Variants in ARHGAP24 observed in about 807,000 individuals in gnomAD.
The protein encoded by ARHGAP24 is rho GTPase-activating protein 24.
Under a neutral mutation model 76.4 loss-of-function variants are expected in ARHGAP24, and 50 were observed. The ratio of observed to expected loss-of-function variants is 0.65; its 90% confidence interval spans 0.52 to 0.83. The LOEUF (loss-of-function observed/expected upper bound fraction) is 0.83, where lower values mean the gene tolerates loss of function less well. Ranked by LOEUF, ARHGAP24 falls within the 40% of genes least tolerant of loss-of-function variation. The pLI, the probability that ARHGAP24 is intolerant of heterozygous loss-of-function variation, is 0.00. For synonymous variants in ARHGAP24, 345 were observed against 323.3 expected (o/e 1.07, Z -0.72); for missense variants, 930 against 914.2 (o/e 1.02, Z -0.22).
chr4:85,650,855 A>G (rs1332630012), intron 2 of ARHGAP24, among the ~76,000 whole-genome samples: 1 of 149,516 alleles, frequency 6.7e-6, no homozygotes, highest in Admixed American at 6.6e-5. Flanking sequence ...TAACAGACAT[A>G]TATATTCCTA....
At chr4:85,681,263 A>G (rs1263295911) in intron 2 of ARHGAP24, among the ~76,000 whole-genome samples, 1 of 152,216 alleles carries the variant, frequency 6.6e-6, no homozygotes, top group Non-Finnish European at 1.5e-5. Context: ...AGCATAAGCA[A>G]CTTGACAATC....
chr4:85,483,630 TAAAC>T (rs1298137739), intron 1 of ARHGAP24, among the ~76,000 whole-genome samples: 8 of 151,982 alleles, frequency 5.3e-5, no homozygotes, highest in South Asian at 4.1e-4. Context: ...AATAAATAAA[TAAAC>T]AAACAAAAAT....
chr4:85,497,067 A>G (rs1723613868), intron 1 of ARHGAP24, among the ~76,000 whole-genome samples: 1 of 152,220 alleles, frequency 6.6e-6, no homozygotes, highest in Admixed American at 6.5e-5. Context: ...CTGTTGATAA[A>G]GAGGAAGGAA....
Position 85,548,222 on chromosome 4 carries a change from CT to C in ARHGAP24, c.-20-22298del, listed in dbSNP as rs557503954. Among the ~76,000 whole-genome samples, 86 of 152,044 alleles carry C rather than the reference CT, an allele frequency of 5.7e-4. 3 individuals carry two copies. The highest frequency in any genetic ancestry group is 1.3e-4 in the Non-Finnish European group (9 of 68,010). ...TATTCTAGGCTCATTTTGTATTTTC[CT>C]TGTCCACACCCTGGAATCAGCCTTT... On this transcript the variant is annotated intron_variant, in intron 1 of 9. Coordinates refer to ENST00000395184, the MANE Select transcript of ARHGAP24 (RefSeq NM_001025616.3).
In ARHGAP24 at chr4:85,527,275, C is replaced by T. The variant is rs113852385; in HGVS notation, c.-20-43247C>T. Reference sequence around the variant, plus strand: ...TCAGTATAACTCTAGCTTGTTTTCACGACCTCTTCATAAGCTTAATGCATG... The same window carrying T: ...TCAGTATAACTCTAGCTTGTTTTCATGACCTCTTCATAAGCTTAATGCATG... On this transcript the variant is annotated intron_variant, in intron 1 of 9. Transcript: ENST00000395184. 9.7e-3 allele frequency among the ~76,000 whole-genome samples: 1,476 copies of T among 152,204 alleles called. 13 individuals are homozygous for T. Among genetic ancestry groups the T allele is most frequent in the East Asian group, 0.019 (97 of 5,182 alleles).
At chr4:85,772,368 T>C (rs1727163758) in intron 3 of ARHGAP24, among the ~76,000 whole-genome samples, 1 of 152,190 alleles carries the variant, frequency 6.6e-6, no homozygotes, top group African/African-American at 2.4e-5. Context: ...ACAGGGGGTA[T>C]AAAATATGTT....
At chr4:85,522,602 A>G (rs975393410) in intron 1 of ARHGAP24, among the ~76,000 whole-genome samples, 1 of 152,222 alleles carries the variant, frequency 6.6e-6, no homozygotes, top group Admixed American at 6.5e-5. Context: ...AGAATTATCC[A>G]TAAATATCCC....
chr4:85,999,034 T>G (rs2148875262), intron 9 of ARHGAP24, among the ~76,000 whole-genome samples: 1 of 152,358 alleles, frequency 6.6e-6, no homozygotes, highest in South Asian at 2.1e-4. Context: ...TTCTTAAAAC[T>G]TTTCCAGCAC....
intron 9 of ARHGAP24, 37 bp from the exon 10 acceptor site, chr4:86,000,442 C>CGGGGGGGGGGGG: frequency 1.2e-6 from 1 of 807,892 alleles, no homozygotes; most frequent in Non-Finnish European, 1.9e-6. Context: ...CTTACTCTTG[C>CGGGGGGGGGGGG]GTCCCCACCC....
chr4:85,567,316 A>G (rs952215558), intron 1 of ARHGAP24, among the ~76,000 whole-genome samples: 2 of 152,224 alleles, frequency 1.3e-5, no homozygotes, highest in Non-Finnish European at 2.9e-5. Flanking sequence ...TCATCTCCTC[A>G]AAAGATAATA....
chr4:85,547,838 C>T (rs1045099987), intron 1 of ARHGAP24, among the ~76,000 whole-genome samples: 1 of 152,192 alleles, frequency 6.6e-6, no homozygotes, highest in African/African-American at 2.4e-5. Flanking sequence ...GAAACTTTGA[C>T]ACTATTTAAA....
At chr4:85,896,879 T>G (rs1734207555) in intron 3 of ARHGAP24, among the ~76,000 whole-genome samples, 1 of 152,194 alleles carries the variant, frequency 6.6e-6, no homozygotes, top group Non-Finnish European at 1.5e-5. Flanking sequence ...CATGCTCCCA[T>G]AGTAGAGCAC....
intron 3 of ARHGAP24, among the ~76,000 whole-genome samples, chr4:85,760,805 G>A (rs1194463828): frequency 3.3e-5 from 5 of 152,178 alleles, no homozygotes; most frequent in Non-Finnish European, 7.3e-5. Context: ...GCATTCAGGA[G>A]ACAGTTGACT....
At chr4:85,831,217 A>AT (rs1222743226) in intron 3 of ARHGAP24, among the ~76,000 whole-genome samples, 2 of 152,198 alleles carry the variant, frequency 1.3e-5, no homozygotes, top group Non-Finnish European at 2.9e-5. Context: ...CCAATACAAC[A>AT]TAAACTCTTT....
At chr4:85,733,840 C>A (rs1489697531) in intron 3 of ARHGAP24, among the ~76,000 whole-genome samples, 1 of 152,164 alleles carries the variant, frequency 6.6e-6, no homozygotes. Flanking sequence ...TCTTTAAAGA[C>A]CCTGTCTCCA....
chr4:85,995,843 T>C (rs990883573), intron 9 of ARHGAP24, among the ~76,000 whole-genome samples, 186 bp downstream of exon 9: 3 of 152,164 alleles, frequency 2.0e-5, no homozygotes, highest in African/African-American at 7.2e-5. Flanking sequence ...GATTCCCTAA[T>C]GTAAACAATT....
At chr4:85,579,014 G>A (rs1420878606) in intron 2 of ARHGAP24, among the ~76,000 whole-genome samples, 2 of 152,060 alleles carry the variant, frequency 1.3e-5, no homozygotes, top group Non-Finnish European at 2.9e-5. Context: ...ACTCTCCTTT[G>A]TAGTATGTCT....
intron 3 of ARHGAP24, among the ~76,000 whole-genome samples, chr4:85,757,673 A>G (rs1726564568): frequency 6.6e-6 from 1 of 152,176 alleles, no homozygotes; most frequent in Non-Finnish European, 1.5e-5. Flanking sequence ...GCCGCAATAA[A>G]CATACGTGTG....
chr4:85,514,951 A>G (rs1348981355), intron 1 of ARHGAP24, among the ~76,000 whole-genome samples: 1 of 152,134 alleles, frequency 6.6e-6, no homozygotes, highest in Non-Finnish European at 1.5e-5. Context: ...TAGTGAAGAC[A>G]TGCAGAAGCC....
Sources: allele counts gnomAD v4.1 joint callset (sites outside exome capture counted in the v4.1 genomes callset), GRCh38; gene constraint gnomAD v4.1.1; transcripts MANE v1.5; gene names NCBI Gene and HGNC (gene_info 2026-07-23, HGNC 2026-07-21).